PARD3B: variants seen among roughly 807,000 people sequenced by gnomAD.
PARD3B encodes the protein partitioning defective 3 homolog B.
PARD3B carries 103 observed loss-of-function variants against 130.2 expected under a neutral mutation model. The observed-to-expected ratio is 0.79, with a 90% confidence interval of 0.67 to 0.93. The LOEUF (loss-of-function observed/expected upper bound fraction) is 0.93, where lower values mean the gene tolerates loss of function less well. PARD3B is among the 40% of genes least tolerant of loss of function. The pLI is 0.00. For synonymous variants in PARD3B, 583 were observed against 553.2 expected (o/e 1.05, Z -0.76); for missense variants, 1,609 against 1,499.2 (o/e 1.07, Z -1.21).
chr2:205,387,019 A>G (rs898955598), intron 18 of PARD3B, among the ~76,000 whole-genome samples: 1 of 152,224 alleles, frequency 6.6e-6, no homozygotes, highest in African/African-American at 2.4e-5. Flanking sequence ...TTATTGAACA[A>G]GCTTATTTTT....
chr2:204,665,167 A>G (rs1374626586), intron 1 of PARD3B, among the ~76,000 whole-genome samples: 1 of 151,716 alleles, frequency 6.6e-6, no homozygotes, highest in Non-Finnish European at 1.5e-5. Flanking sequence ...TAGAAAATAT[A>G]AGATATTCCC....
chr2:205,493,903 G>T (rs548017630), intron 20 of PARD3B, among the ~76,000 whole-genome samples: 2 of 151,964 alleles, frequency 1.3e-5, no homozygotes, highest in African/African-American at 2.4e-5. Flanking sequence ...GATTACAGGT[G>T]CATGCCACCA....
chr2:205,078,445 TTCTG>T lies in PARD3B; in HGVS notation c.505-25977_505-25974del, dbSNP rs1253239298. Among the ~76,000 whole-genome samples, 1 of 152,220 alleles carries T rather than the reference TTCTG, an allele frequency of 6.6e-6. No homozygotes were observed. The highest frequency in any genetic ancestry group is 6.5e-5 in the Admixed American group (1 of 15,292). ...AAGACCCACTTTTTTTCCTGAGTAA[TTCTG>T]TCTCTTAATGAATGCTACTTAATCC... On this transcript the variant is annotated intron_variant, in intron 4 of 22. Transcript: ENST00000406610. The surrounding 1 kb of genome is among the most constrained non-coding windows in gnomAD (Gnocchi z 4.0).
intron 22 of PARD3B, among the ~76,000 whole-genome samples, chr2:205,613,733 A>G (rs937737619): frequency 1.3e-5 from 2 of 152,226 alleles, no homozygotes; most frequent in Non-Finnish European, 1.5e-5. Flanking sequence ...AATTAAGACA[A>G]AAAAGTAGAG....
intron 18 of PARD3B, among the ~76,000 whole-genome samples, chr2:205,334,194 CTG>C (rs2043231529): frequency 6.6e-6 from 1 of 152,146 alleles, no homozygotes. Flanking sequence ...CAGTTTATAA[CTG>C]TGTGTATGTG....
chr2:204,692,172 T>C (rs1016185420), intron 2 of PARD3B, among the ~76,000 whole-genome samples: 6 of 152,130 alleles, frequency 3.9e-5, no homozygotes, highest in Admixed American at 3.9e-4. Context: ...ATGAAGTATT[T>C]TGTTCTACTT....
At chr2:204,603,002 AC>A (rs1420573574) in intron 1 of PARD3B, among the ~76,000 whole-genome samples, 1 of 152,100 alleles carries the variant, frequency 6.6e-6, no homozygotes, top group African/African-American at 2.4e-5. Context: ...ACCCCTTGTT[AC>A]TTTTAGAAAA....
At chr2:205,505,473 GCTGTT>G (rs1429865475) in intron 21 of PARD3B, among the ~76,000 whole-genome samples, 1 of 152,138 alleles carries the variant, frequency 6.6e-6, no homozygotes, top group Non-Finnish European at 1.5e-5. Context: ...AATCTTTTCA[GCTGTT>G]CTGTTGTGTA....
intron 2 of PARD3B, among the ~76,000 whole-genome samples, chr2:204,697,312 C>G (rs1443284773): frequency 6.6e-6 from 1 of 152,088 alleles, no homozygotes; most frequent in African/African-American, 2.4e-5. Context: ...GAACCTGGGA[C>G]TACAATTGAG....
At chr2:204,717,120 T>G (rs987666760) in intron 2 of PARD3B, among the ~76,000 whole-genome samples, 5 of 152,052 alleles carry the variant, frequency 3.3e-5, no homozygotes, top group Non-Finnish European at 7.4e-5. Context: ...AACCAGTTAG[T>G]CGTGATGATA....
At chr2:205,104,722 C>T (rs559038222) in intron 5 of PARD3B, among the ~76,000 whole-genome samples, 1 of 152,170 alleles carries the variant, frequency 6.6e-6, no homozygotes, top group South Asian at 2.1e-4. Context: ...TACAAATGAT[C>T]CTTAATCCAT....
chr2:204,750,241 C>T (rs1376216550), intron 2 of PARD3B, among the ~76,000 whole-genome samples: 1 of 152,156 alleles, frequency 6.6e-6, no homozygotes, highest in African/African-American at 2.4e-5. Flanking sequence ...AAAGGTGGTA[C>T]TCCAAGGTCT....
chr2:205,211,873 C>T (rs568260371), intron 15 of PARD3B, among the ~76,000 whole-genome samples: 1 of 152,016 alleles, frequency 6.6e-6, no homozygotes, highest in South Asian at 2.1e-4. Flanking sequence ...ATTGTGAGAG[C>T]CTGAAAAGGT....
intron 20 of PARD3B, among the ~76,000 whole-genome samples, chr2:205,466,488 G>T (rs149821816): frequency 6.6e-6 from 1 of 152,150 alleles, no homozygotes; most frequent in East Asian, 1.9e-4. Flanking sequence ...GTAATATGCT[G>T]TGTCTCCACA....
chr2:205,255,654 A>G (rs2040051192), intron 16 of PARD3B, among the ~76,000 whole-genome samples: 1 of 152,124 alleles, frequency 6.6e-6, no homozygotes, highest in South Asian at 2.1e-4. Flanking sequence ...AGAGTAGCTC[A>G]CAGAACTCAG....
intron 10 of PARD3B, among the ~76,000 whole-genome samples, chr2:205,139,443 A>G (rs1269887879): frequency 6.6e-6 from 1 of 152,186 alleles, no homozygotes; most frequent in African/African-American, 2.4e-5. Flanking sequence ...AACACTAGCA[A>G]CTTGTTGGAA....
intron 4 of PARD3B, among the ~76,000 whole-genome samples, chr2:205,087,064 C>CA (rs1440151235): frequency 1.3e-5 from 2 of 152,106 alleles, no homozygotes; most frequent in African/African-American, 4.8e-5. Context: ...CAATTGCTGT[C>CA]AAAATTAATT....
Position 205,300,950 on chromosome 2 carries a change from A to G in PARD3B, c.2392+214A>G, listed in dbSNP as rs2041974844. Among the ~76,000 whole-genome samples the G allele has an allele frequency of 6.6e-6, 1 of 152,262 alleles. No homozygotes were observed. Among genetic ancestry groups the G allele is most frequent in the Admixed American group, 6.5e-5 (1 of 15,290 alleles). On this transcript the variant is annotated intron_variant, in intron 17 of 22. Transcript: ENST00000406610. This position sits in a 1 kb window ranked among gnomAD's most constrained non-coding sequence, Gnocchi z 4.1. ...AATATGCAATTTATTTTACAGTGCA[A>G]GGCTAAATAAATGTTCTCCTTCACT... is the stretch of plus-strand genomic sequence containing the variant.
At chr2:205,174,445 G>A (rs1401921137) in intron 12 of PARD3B, among the ~76,000 whole-genome samples, 1 of 152,134 alleles carries the variant, frequency 6.6e-6, no homozygotes, top group Admixed American at 6.5e-5. Flanking sequence ...AGATTAAAGA[G>A]CATTGTTTCT....
Sources: gnomAD v4.1 joint callset for allele counts (sites outside exome capture counted in the v4.1 genomes callset) on GRCh38, gnomAD v4.1.1 for gene constraint, Gnocchi (gnomAD v3.1) non-coding constraint, MANE v1.5 for transcripts, NCBI Gene and HGNC (gene_info 2026-07-23, HGNC 2026-07-21) for gene names.